XRCC4: variants seen among roughly 807,000 people sequenced by gnomAD.
XRCC4 encodes DNA repair protein XRCC4.
Under a neutral mutation model 39.1 loss-of-function variants are expected in XRCC4, and 28 were observed. The observed-to-expected ratio is 0.72, with a 90% CI of 0.53 to 0.98. The LOEUF (loss-of-function observed/expected upper bound fraction) is 0.98, where lower values mean the gene tolerates loss of function less well. Ranked by LOEUF, XRCC4 falls within the 50% of genes least tolerant of loss-of-function variation. The probability of loss-of-function intolerance (pLI) is 0.00; values close to 1 mark genes in which losing one functional copy is unlikely to be tolerated. For missense variants in XRCC4, 350 were observed against 376.4 expected (o/e 0.93, Z 0.58); for synonymous variants, 123 against 126.4 (o/e 0.97, Z 0.18).
At chr5:83,281,678 C>G (rs556217345) in intron 7 of XRCC4, among the ~76,000 whole-genome samples, 3 of 152,256 alleles carry the variant, frequency 2.0e-5, no homozygotes, top group South Asian at 4.1e-4. Flanking sequence ...GTTTTACCCC[C>G]TTATGTAACT....
rs796429318 is a variant in XRCC4 at position 83,136,134 on chromosome 5, A to G, written c.315+24931A>G. On this transcript the variant is annotated intron_variant, in intron 3 of 7. Coordinates refer to ENST00000396027, the MANE Select transcript of XRCC4 (RefSeq NM_003401.5). Reference sequence around the variant, plus strand: ...TTTTACCCCGCTATTGAGGCAAAATACTTCTGAGTCCTTTTACCTGATCCC... The same window carrying G: ...TTTTACCCCGCTATTGAGGCAAAATGCTTCTGAGTCCTTTTACCTGATCCC... Among the ~76,000 whole-genome samples, 5 of 152,206 alleles carry G rather than the reference A, an allele frequency of 3.3e-5. No homozygotes were observed. In the South Asian group the frequency reaches 1.0e-3, roughly 32 times the overall value.
intron 6 of XRCC4, among the ~76,000 whole-genome samples, chr5:83,251,384 T>C (rs1044073578): frequency 3.6e-4 from 55 of 151,578 alleles, no homozygotes; most frequent in African/African-American, 1.3e-3. Flanking sequence ...ATTAGCTGGG[T>C]GTGGTGGCGA....
chr5:83,118,422 C>A (rs947696528), intron 3 of XRCC4, among the ~76,000 whole-genome samples: 2 of 152,052 alleles, frequency 1.3e-5, no homozygotes, highest in Non-Finnish European at 2.9e-5. Context: ...CTACCTCAGT[C>A]TCCCAAAGCA....
intron 6 of XRCC4, among the ~76,000 whole-genome samples, chr5:83,213,059 C>T (rs898938687): frequency 6.6e-6 from 1 of 151,210 alleles, no homozygotes; most frequent in Non-Finnish European, 1.5e-5. Flanking sequence ...CAGACATTAT[C>T]TGAAGCAATG....
chr5:83,288,723 G>A (rs1222084941), intron 7 of XRCC4, among the ~76,000 whole-genome samples: 2 of 151,656 alleles, frequency 1.3e-5, no homozygotes, highest in Non-Finnish European at 2.9e-5. Context: ...TATTTGACTT[G>A]GGTTTTCTGT....
chr5:83,164,854 A>G (rs7733183), intron 3 of XRCC4, among the ~76,000 whole-genome samples: 1 of 152,160 alleles, frequency 6.6e-6, no homozygotes, highest in East Asian at 1.9e-4. Flanking sequence ...AGCTTAAGAA[A>G]TTAAGAGTAA....
At chr5:83,300,743 C>G (rs965833177) in intron 7 of XRCC4, among the ~76,000 whole-genome samples, 4 of 151,874 alleles carry the variant, frequency 2.6e-5, no homozygotes, top group Non-Finnish European at 5.9e-5. Context: ...CCCCCACCCC[C>G]CAACAGGCCC....
chr5:83,228,819 C>T (rs1172678124), intron 6 of XRCC4, among the ~76,000 whole-genome samples: 1 of 152,034 alleles, frequency 6.6e-6, no homozygotes, highest in African/African-American at 2.4e-5. Context: ...CCATAAGGCC[C>T]TTAGTGATAT....
chr5:83,241,097 G>A (rs28360205), intron 6 of XRCC4, among the ~76,000 whole-genome samples: 2,417 of 152,058 alleles, frequency 0.016, 59 homozygotes, highest in African/African-American at 0.054. Flanking sequence ...TTGGCAAGGC[G>A]TGGTGGCACA....
intron 3 of XRCC4, among the ~76,000 whole-genome samples, chr5:83,153,212 A>G (rs1748798589): frequency 7.7e-6 from 1 of 130,234 alleles, no homozygotes; most frequent in Admixed American, 7.3e-5. Flanking sequence ...AGTTCATTCA[A>G]ACTTTTTTTT....
At chr5:83,320,068 GA>G (rs1756003055) in intron 7 of XRCC4, among the ~76,000 whole-genome samples, 2 of 149,688 alleles carry the variant, frequency 1.3e-5, no homozygotes, top group African/African-American at 4.9e-5. Flanking sequence ...GGACATGGAT[GA>G]AATTGGAAAC....
intron 3 of XRCC4, among the ~76,000 whole-genome samples, chr5:83,176,403 C>T (rs1368162503): frequency 6.6e-6 from 1 of 151,880 alleles, no homozygotes; most frequent in Non-Finnish European, 1.5e-5. Context: ...CTTATGTACC[C>T]ATAAAAATTA....
chr5:83,130,754 C>T (rs1283062482), intron 3 of XRCC4, among the ~76,000 whole-genome samples: 9 of 152,202 alleles, frequency 5.9e-5, no homozygotes, highest in South Asian at 2.1e-4. Flanking sequence ...AGTTTATTTG[C>T]GAAGAGGTGT....
chr5:83,111,770 T>C (rs1746456522), intron 3 of XRCC4, among the ~76,000 whole-genome samples: 1 of 152,110 alleles, frequency 6.6e-6, no homozygotes, highest in African/African-American at 2.4e-5. Flanking sequence ...CCTGCACCAA[T>C]TCAGATCAAG....
At chr5:83,078,411 C>T (rs1744776005) in intron 1 of XRCC4, among the ~76,000 whole-genome samples, 1 of 152,212 alleles carries the variant, frequency 6.6e-6, no homozygotes, top group African/African-American at 2.4e-5. Context: ...TGTATTTTTT[C>T]TCAGGCAGGA....
At chr5:83,285,548 TTA>T (rs1282364292) in intron 7 of XRCC4, among the ~76,000 whole-genome samples, 8 of 152,138 alleles carry the variant, frequency 5.3e-5, no homozygotes, top group Non-Finnish European at 1.0e-4. Context: ...TGTAATTATT[TTA>T]TGTCTTGTTG....
rs780154363 is a variant in XRCC4, at chr5:83,310,787, AGAGG to A, written c.894-42339_894-42336del. ...AAATGCAATTATAACTTTCCTTATT[AGAGG>A]GAGGAAGAAGGAGACTTCAGAGAAA... On this transcript the variant is annotated intron_variant, in intron 7 of 7. Coordinates refer to ENST00000396027, the MANE Select transcript of XRCC4 (RefSeq NM_003401.5). The A allele has an allele frequency of 2.2e-5, 10 of 456,682 alleles. No individual in the cohort carries two copies. In the Middle Eastern group the frequency reaches 9.8e-4, roughly 45 times the overall value. 28.3% of individuals were successfully genotyped at this position (456,682 alleles called of 1,614,324 possible). A position where few individuals can be genotyped will look rare whatever the true frequency, so the allele number is the denominator to read the frequency against.
chr5:83,325,893 C>T (rs2112148907), intron 7 of XRCC4, among the ~76,000 whole-genome samples: 1 of 152,144 alleles, frequency 6.6e-6, no homozygotes, highest in African/African-American at 2.4e-5. Context: ...CACTGTTTTC[C>T]ACAGTGGTTG....
intron 7 of XRCC4, among the ~76,000 whole-genome samples, chr5:83,265,054 A>C (rs10045771): frequency 6.6e-6 from 1 of 151,980 alleles, no homozygotes; most frequent in Non-Finnish European, 1.5e-5. Context: ...ACTTAAAATG[A>C]GGTAGTTGAC....
Sources: gnomAD v4.1 joint callset for allele counts (sites outside exome capture counted in the v4.1 genomes callset) on GRCh38, gnomAD v4.1.1 for gene constraint, MANE v1.5 for transcripts, NCBI Gene and HGNC (gene_info 2026-07-23, HGNC 2026-07-21) for gene names.